Variants in ERP27 observed in about 807,000 individuals in gnomAD.
ERP27 encodes the protein endoplasmic reticulum protein 27.
ERP27 carries 23 observed loss-of-function variants against 27.7 expected under a neutral mutation model. The observed-to-expected ratio is 0.83, with a 90% CI of 0.60 to 1.18. The LOEUF is 1.18. Among genes scored for constraint, ERP27 ranks in the 50% most tolerant of loss-of-function variants. The probability of loss-of-function intolerance (pLI) is 0.00; values close to 1 mark genes in which losing one functional copy is unlikely to be tolerated. For missense variants in ERP27, 363 were observed against 327.9 expected, an observed-to-expected ratio of 1.11 and a Z score of -0.83; for synonymous variants, 159 against 118.3, an observed-to-expected ratio of 1.34 and a Z score of -2.23.
intron 3 of ERP27, among the ~76,000 whole-genome samples, chr12:14,926,875 T>C (rs1188522229): frequency 6.6e-6 from 1 of 152,224 alleles, no homozygotes; most frequent in Non-Finnish European, 1.5e-5. Context: ...TATTTATTCC[T>C]GTATTTTTTA....
intron 2 of ERP27, among the ~76,000 whole-genome samples, chr12:14,937,489 T>C (rs1863789485): frequency 6.6e-6 from 1 of 152,148 alleles, no homozygotes; most frequent in Non-Finnish European, 1.5e-5. Flanking sequence ...GTCTACCATA[T>C]TTGGGGGAAA....
intron 3 of ERP27, among the ~76,000 whole-genome samples, chr12:14,931,673 A>G (rs1314041856): frequency 2.6e-5 from 4 of 152,218 alleles, no homozygotes; most frequent in Admixed American, 2.6e-4. Flanking sequence ...GTGAAGCTTT[A>G]TGAGGAATAA....
chr12:14,926,232 C>A (rs1863600475), intron 3 of ERP27, among the ~76,000 whole-genome samples: 1 of 152,150 alleles, frequency 6.6e-6, no homozygotes, highest in South Asian at 2.1e-4. Context: ...TCATTATGAA[C>A]TGTTATTCTT....
rs952172074 is a variant in ERP27, at chr12:14,929,147, C to A, written c.333+5709G>T. On this transcript the variant is annotated intron_variant, in intron 3 of 6. Coordinates refer to ENST00000266397, the MANE Select transcript of ERP27 (RefSeq NM_152321.4). ...GTGCATGGATCAAGAATCCCCCCCT[C>A]CCTGTACTCTTTTCCGGGCAGTCCT... The A allele has an allele frequency of 7.0e-6, 10 of 1,421,896 alleles. No individual in the cohort carries two copies. The East Asian group carries it at 2.5e-4, about 36-fold the overall frequency. 88.1% of individuals were successfully genotyped at this position (1,421,896 alleles called of 1,614,324 possible). A position where few individuals can be genotyped will look rare whatever the true frequency, so the allele number is the denominator to read the frequency against.
intron 3 of ERP27, among the ~76,000 whole-genome samples, chr12:14,927,625 C>G (rs1863624152): frequency 6.6e-6 from 1 of 151,984 alleles, no homozygotes; most frequent in South Asian, 2.1e-4. Flanking sequence ...TAGAACTGAC[C>G]AAAGCCGTCT....
chr12:14,935,251 A>C (rs1227570811), intron 2 of ERP27: 11 of 689,698 alleles, frequency 1.6e-5, no homozygotes, highest in Non-Finnish European at 1.8e-5. Flanking sequence ...ATAGAGCTTG[A>C]AGTTTACTAG....
Position 14,914,603 on chromosome 12 carries a change from CGTGTGTGCACGTGCGTGT to C in ERP27, c.*114_*131del. 2 of 663,764 alleles carry C rather than the reference CGTGTGTGCACGTGCGTGT, an allele frequency of 3.0e-6. No individual in the cohort carries two copies. Among genetic ancestry groups the C allele is most frequent in the Non-Finnish European group, 5.2e-6 (2 of 385,792 alleles). 41.1% of individuals were successfully genotyped at this position (663,764 alleles called of 1,614,324 possible). On this transcript the variant is annotated 3_prime_UTR_variant, in exon 7 of 7. Coordinates refer to ENST00000266397, the MANE Select transcript of ERP27 (RefSeq NM_152321.4). ...GCGTGTGTGTGTGCACGCGTGCGTGCGTGTGTGCACGTGCGTGTGTGTGTGGTTGGCAGGCCTAGTGAT... is the reference window on the plus strand; with the variant it reads ...GCGTGTGTGTGTGCACGCGTGCGTGCGTGTGTGGTTGGCAGGCCTAGTGAT...
chr12:14,931,446 G>C (rs1308991948), intron 3 of ERP27, among the ~76,000 whole-genome samples: 1 of 151,380 alleles, frequency 6.6e-6, no homozygotes, highest in African/African-American at 2.4e-5. Flanking sequence ...AGTGTAAACT[G>C]TGAAAAAAAT....
Position 14,915,422 on chromosome 12 carries a change from T to TA in ERP27, c.774+66dup, listed in dbSNP as rs1298662155. The TA allele has an allele frequency of 6.3e-5, 97 of 1,548,188 alleles. No homozygotes were observed. The African/African-American group carries it at 1.0e-3, about 17-fold the overall frequency. Reference sequence around the variant, plus strand: ...TCCCTCTCTGAGCCCAAAGAATTCTTATTCAACTGGAAATAAAAGGGACAT... The same window carrying TA: ...TCCCTCTCTGAGCCCAAAGAATTCTTAATTCAACTGGAAATAAAAGGGACAT... On this transcript the variant is annotated intron_variant, in intron 6 of 6. Transcript: ENST00000266397.
rs775677259 is a variant in ERP27, at chr12:14,938,067, A to G, written c.95-15T>C. ...ACCAGGACCATCTAGAGAGAGAAGC[A>G]GAAGATGTCAGGGTACTGAGGCAAG... On this transcript the variant is annotated splice_polypyrimidine_tract_variant and intron_variant, in intron 1 of 6. Coordinates refer to ENST00000266397, the MANE Select transcript of ERP27 (RefSeq NM_152321.4). 10 of 1,604,580 alleles carry G rather than the reference A, an allele frequency of 6.2e-6. No individual in the cohort carries two copies. Among genetic ancestry groups the G allele is most frequent in the Non-Finnish European group, 8.5e-6 (10 of 1,171,304 alleles).
At chr12:14,921,275 C>T (rs1863499570) in intron 3 of ERP27, among the ~76,000 whole-genome samples, 1 of 152,146 alleles carries the variant, frequency 6.6e-6, no homozygotes, top group South Asian at 2.1e-4. Context: ...AATCACAGGC[C>T]CGCATGTCAC....
chr12:14,937,802 C>A, intron 2 of ERP27, 150 bp downstream of exon 2: 1 of 617,326 alleles, frequency 1.6e-6, no homozygotes, highest in Non-Finnish European at 2.9e-6. Flanking sequence ...ATAAGAGGTC[C>A]CAATGGACAA....
In ERP27 at chr12:14,935,715, T is replaced by C. The variant is rs139950061; in HGVS notation, c.196-722A>G. ...CATACAAAGAACCTAAAATTGGTAG[T>C]GGCTTAAGATGTACTTTGTTTATTT... On this transcript the variant is annotated intron_variant, in intron 2 of 6. Transcript: ENST00000266397. Among the ~76,000 whole-genome samples the C allele has an allele frequency of 3.0e-3, 454 of 152,276 alleles. 2 individuals carry two copies. Among genetic ancestry groups the C allele is most frequent in the African/African-American group, 0.01 (428 of 41,560 alleles).
chr12:14,938,460 A>G lies in ERP27; in HGVS notation c.49T>C (p.Cys17Arg), dbSNP rs1431014099. 7.4e-6 allele frequency: 12 copies of G among 1,614,122 alleles called. No homozygotes were observed. The highest frequency in any genetic ancestry group is 1.0e-5 in the Non-Finnish European group (12 of 1,180,008). Reference protein sequence around the residue: ...RFMFLLFLLTCELAAEVAAEV... With the variant: ...RFMFLLFLLTRELAAEVAAEV... ...GCAGCAACTTCTGCAGCCAGCTCACACGTGAGGAGAAATAAGAGGAACATG... is the reference window on the plus strand; with the variant it reads ...GCAGCAACTTCTGCAGCCAGCTCACGCGTGAGGAGAAATAAGAGGAACATG... The change falls in exon 1 of 7, where the codon TGT (cysteine) becomes CGT (arginine). Residue 17 changes from cysteine (C) to arginine (R), a missense_variant. Transcript: ENST00000266397.
chr12:14,928,107 C>A lies in ERP27; in HGVS notation c.333+6749G>T, dbSNP rs571038545. ...CAATAGTTTGCATCACTTTTGAGAT[C>A]CTTAGGCCATCTGCTCTTGGACATC... On this transcript the variant is annotated intron_variant, in intron 3 of 6. Transcript: ENST00000266397. Among the ~76,000 whole-genome samples the A allele has an allele frequency of 1.7e-3, 260 of 152,260 alleles. 1 individual carries two copies. The highest frequency in any genetic ancestry group is 6.0e-3 in the African/African-American group (248 of 41,554).
intron 3 of ERP27, among the ~76,000 whole-genome samples, chr12:14,929,443 A>T (rs892787156): frequency 1.3e-5 from 2 of 152,208 alleles, no homozygotes; most frequent in Non-Finnish European, 2.9e-5. Context: ...TTTGAACAGG[A>T]AATCTCCCTC....
chr12:14,924,919 T>C (rs1243758424), intron 3 of ERP27, among the ~76,000 whole-genome samples: 1 of 152,226 alleles, frequency 6.6e-6, no homozygotes, highest in East Asian at 1.9e-4. Flanking sequence ...CCTCTGGTCG[T>C]CGTCCCTGTT....
At chr12:14,920,251 C>A (rs889161736) in intron 4 of ERP27, among the ~76,000 whole-genome samples, 1 of 152,130 alleles carries the variant, frequency 6.6e-6, no homozygotes, top group Non-Finnish European at 1.5e-5. Context: ...ATGCAGCATG[C>A]AACACCAGAG....
intron 3 of ERP27, chr12:14,929,224 T>G: frequency 9.2e-7 from 1 of 1,089,284 alleles, no homozygotes; most frequent in East Asian, 2.9e-5. Context: ...TCTGGGTGTT[T>G]CTGGACTTAA....
Sources: allele counts gnomAD v4.1 joint callset (sites outside exome capture counted in the v4.1 genomes callset), GRCh38; gene constraint gnomAD v4.1.1; transcripts MANE v1.5; gene names NCBI Gene and HGNC (gene_info 2026-07-23, HGNC 2026-07-21).